The following ATP6V0A4 variants were observed in gnomAD, a reference collection of about 807,000 sequenced individuals.
ATP6V0A4 encodes V-type proton ATPase 116 kDa subunit a 4.
ATP6V0A4 carries 86 observed loss-of-function variants against 107.3 expected under a neutral mutation model. That is an observed-to-expected ratio of 0.80 (90% CI 0.67 to 0.96). ATP6V0A4 has a LOEUF of 0.96. Ranked by LOEUF, ATP6V0A4 falls within the 40% of genes least tolerant of loss-of-function variation. The probability of loss-of-function intolerance (pLI) is 0.00; values close to 1 mark genes in which losing one functional copy is unlikely to be tolerated. For missense variants in ATP6V0A4, 908 were observed against 1,045.6 expected (o/e 0.87, Z 1.81); for synonymous variants, 353 against 381.4 (o/e 0.93, Z 0.87).
At chr7:138,707,191 ATATAT>A (rs1445449975) in intron 21 of ATP6V0A4, among the ~76,000 whole-genome samples, 1 of 71,320 alleles carries the variant, frequency 1.4e-5, no homozygotes, top group Non-Finnish European at 2.3e-5. Flanking sequence ...AATATATTAT[ATATAT>A]TATATAATAT....
chr7:138,712,277 C>A (rs769848226), intron 20 of ATP6V0A4, among the ~76,000 whole-genome samples: 1 of 152,044 alleles, frequency 6.6e-6, no homozygotes, highest in Admixed American at 6.6e-5. Context: ...TCAAGTCATC[C>A]GTGGTCCTGA....
intron 1 of ATP6V0A4, among the ~76,000 whole-genome samples, chr7:138,795,464 A>G (rs1175516469): frequency 2.0e-5 from 3 of 152,132 alleles, no homozygotes; most frequent in African/African-American, 7.2e-5. Context: ...GCCATCTTAC[A>G]TGTTTGCATA....
At chr7:138,737,278 T>C (rs978944504) in intron 15 of ATP6V0A4, among the ~76,000 whole-genome samples, 1 of 151,224 alleles carries the variant, frequency 6.6e-6, no homozygotes, top group Admixed American at 6.6e-5. Context: ...CTCCATACTG[T>C]TCTCATGGGA....
chr7:138,738,812 G>C (rs1034364857), intron 15 of ATP6V0A4, among the ~76,000 whole-genome samples: 3 of 152,140 alleles, frequency 2.0e-5, no homozygotes, highest in African/African-American at 7.2e-5. Flanking sequence ...GGAGGTCTCA[G>C]GTTCTCTCCC....
intron 5 of ATP6V0A4, among the ~76,000 whole-genome samples, chr7:138,767,315 G>A (rs2117328015): frequency 6.6e-6 from 1 of 152,312 alleles, no homozygotes; most frequent in African/African-American, 2.4e-5. Flanking sequence ...CTGAGGTCAG[G>A]AGTTCGAGAC....
chr7:138,722,845 G>A (rs1261451112), intron 18 of ATP6V0A4, among the ~76,000 whole-genome samples: 1 of 151,024 alleles, frequency 6.6e-6, no homozygotes, highest in Non-Finnish European at 1.5e-5. Flanking sequence ...GATTGCCTGA[G>A]GCCAAGAGTT....
At chr7:138,759,050 C>CTTTTTTTTTT (rs1176578067) in intron 8 of ATP6V0A4, among the ~76,000 whole-genome samples, 1 of 91,924 alleles carries the variant, frequency 1.1e-5, no homozygotes, top group African/African-American at 3.9e-5. Context: ...CATGCCCAGC[C>CTTTTTTTTTT]TATTTTTTTT....
intron 8 of ATP6V0A4, among the ~76,000 whole-genome samples, chr7:138,759,302 A>G (rs1254010049): frequency 1.3e-5 from 2 of 151,062 alleles, no homozygotes; most frequent in Non-Finnish European, 3.0e-5. Context: ...CGATCCTCCC[A>G]CCTTGGGCTC....
chr7:138,783,824 T>C (rs6968131), intron 2 of ATP6V0A4, among the ~76,000 whole-genome samples: 4,973 of 152,302 alleles, frequency 0.033, 242 homozygotes, highest in African/African-American at 0.11. Flanking sequence ...GACATTTCTC[T>C]AGAAGTTTCC....
Position 138,752,654 on chromosome 7 carries a change from G to T in ATP6V0A4, c.1000C>A (p.Arg334Ser). ...EIWFPVADAT[R>S]IKRALEQGME... is the part of the protein sequence containing the mutation. ...CCTTGCTCCAGTGCCCTCTTGATAC[G>T]TGTGGCATCTGCCACCGGGAACCAG... Residue 334 changes from arginine (R) to serine (S), a missense_variant, in exon 11 of 22, where the codon CGT becomes AGT. Physicochemically the swap from Arg to Ser is moderately radical, Grantham distance 110. Coordinates refer to ENST00000310018, the MANE Select transcript of ATP6V0A4 (RefSeq NM_020632.3). 2 of 1,613,718 alleles carry T rather than the reference G, an allele frequency of 1.2e-6. No individual in the cohort carries two copies. Among genetic ancestry groups the T allele is most frequent in the Non-Finnish European group, 1.7e-6 (2 of 1,179,860 alleles).
intron 21 of ATP6V0A4, among the ~76,000 whole-genome samples, chr7:138,707,181 AATATATTAT>A (rs1467879056): frequency 1.6e-5 from 1 of 62,786 alleles, no homozygotes; most frequent in African/African-American, 7.4e-5. Context: ...TATATTATAT[AATATATTAT>A]ATATATTATA....
intron 8 of ATP6V0A4, among the ~76,000 whole-genome samples, chr7:138,758,950 C>T (rs994930190): frequency 2.6e-5 from 4 of 151,122 alleles, no homozygotes; most frequent in Non-Finnish European, 4.4e-5. Context: ...AGAGTTTCAC[C>T]ATGTTGGCCA....
At position 138,773,133 on chromosome 7, in the gene ATP6V0A4, C is replaced by G. The variant is rs1036953299; in HGVS notation, c.-17-1869G>C. Among the ~76,000 whole-genome samples the G allele has an allele frequency of 6.6e-6, 1 of 152,156 alleles. No individual in the cohort carries two copies. The highest frequency in any genetic ancestry group is 1.5e-5 in the Non-Finnish European group (1 of 68,022). ...TATCTACTGTGTGCTCGATACTGGGCCTACCCATTGTCCCAGTTTCACACA... is the reference window on the plus strand; with the variant it reads ...TATCTACTGTGTGCTCGATACTGGGGCTACCCATTGTCCCAGTTTCACACA... On this transcript the variant is annotated intron_variant, in intron 2 of 21. Transcript: ENST00000310018. This position sits in a 1 kb window ranked among gnomAD's most constrained non-coding sequence, Gnocchi z 5.4.
At chr7:138,714,170 T>C (rs373271606) in intron 20 of ATP6V0A4, among the ~76,000 whole-genome samples, 195 of 140,910 alleles carry the variant, frequency 1.4e-3, no homozygotes, top group African/African-American at 5.0e-3. Flanking sequence ...GACATGAGCC[T>C]GGGAGTTCGA....
Position 138,715,923 on chromosome 7 carries a change from C to T in ATP6V0A4, c.2140-42G>A, listed in dbSNP as rs768757156. 5 of 1,607,124 alleles carry T rather than the reference C, an allele frequency of 3.1e-6. No individual in the cohort carries two copies. The Admixed American group carries it at 6.7e-5, about 21-fold the overall frequency. ...TTTATTTTACTTCATTGAGAATTTT[C>T]TACACAAAAGTTATTCCAAATGATG... On this transcript the variant is annotated intron_variant, in intron 19 of 21. Transcript: ENST00000310018.
chr7:138,795,245 A>T (rs558859896), intron 1 of ATP6V0A4, among the ~76,000 whole-genome samples: 1 of 152,294 alleles, frequency 6.6e-6, no homozygotes, highest in East Asian at 1.9e-4. Flanking sequence ...CCATCTGTAG[A>T]TAGGAGAATG....
Position 138,706,462 on chromosome 7 carries a change from G to T in ATP6V0A4, c.*162C>A. The T allele has an allele frequency of 1.2e-6, 1 of 842,566 alleles. No homozygotes were observed. The highest frequency in any genetic ancestry group is 1.9e-6 in the Non-Finnish European group (1 of 525,882). 52.2% of individuals were successfully genotyped at this position (842,566 alleles called of 1,614,324 possible). Reference sequence around the variant, plus strand: ...GTCCTTCCTCTGACGTGGTTAAGTCGTATCAAATCCACAGGCTGACGTCCA... The same window carrying T: ...GTCCTTCCTCTGACGTGGTTAAGTCTTATCAAATCCACAGGCTGACGTCCA... On this transcript the variant is annotated 3_prime_UTR_variant, in exon 22 of 22. Transcript: ENST00000310018.
intron 18 of ATP6V0A4, among the ~76,000 whole-genome samples, chr7:138,725,515 CT>C (rs34426447): frequency 1.4e-3 from 208 of 147,152 alleles, no homozygotes; most frequent in African/African-American, 3.1e-3. Flanking sequence ...GCAAAAAAAA[CT>C]TTTTTTTTTT....
intron 18 of ATP6V0A4, among the ~76,000 whole-genome samples, chr7:138,725,420 T>C (rs1030934449): frequency 6.6e-6 from 1 of 152,138 alleles, no homozygotes; most frequent in Non-Finnish European, 1.5e-5. Flanking sequence ...TTCATTTAAA[T>C]ACAGTTCAAG....
Sources: gnomAD v4.1 joint callset for allele counts (sites outside exome capture counted in the v4.1 genomes callset) on GRCh38, gnomAD v4.1.1 for gene constraint, Gnocchi (gnomAD v3.1) non-coding constraint, MANE v1.5 for transcripts, NCBI Gene and HGNC (gene_info 2026-07-23, HGNC 2026-07-21) for gene names.